The following ZSCAN25 variants were observed in gnomAD, a reference collection of about 807,000 sequenced individuals.
ZSCAN25 encodes the protein zinc finger and SCAN domain-containing protein 25.
Under a neutral mutation model 38.7 loss-of-function variants are expected in ZSCAN25, and 27 were observed. The observed-to-expected ratio is 0.70, with a 90% CI of 0.51 to 0.96. ZSCAN25 has a LOEUF of 0.96. ZSCAN25 is among the 40% of genes least tolerant of loss of function. The pLI is 0.00. For synonymous variants in ZSCAN25, 273 were observed against 277.7 expected (o/e 0.98, Z 0.17); for missense variants, 637 against 705.9 (o/e 0.90, Z 1.11).
the ZSCAN25 span, among the ~76,000 whole-genome samples, chr7:99,736,848 A>G: frequency 6.6e-6 from 1 of 152,122 alleles, no homozygotes; most frequent in African/African-American, 2.4e-5. Flanking sequence ...GGTGAATGTC[A>G]TGTGCAGTGT....
chr7:99,708,035 GT>G, the ZSCAN25 span: 1 of 1,611,800 alleles, frequency 6.2e-7, no homozygotes, highest in Non-Finnish European at 8.5e-7. Context: ...AGAGTTACAT[GT>G]TAGGGTTTCT....
At chr7:99,617,437 C>T (rs757210537) in intron 1 of ZSCAN25, among the ~76,000 whole-genome samples, 7 of 152,146 alleles carry the variant, frequency 4.6e-5, no homozygotes, top group Non-Finnish European at 7.4e-5. Context: ...GAAAAGTAGC[C>T]GGGCGTGGTG....
At chr7:99,663,422 G>C in the ZSCAN25 span, 3 of 990,236 alleles carry the variant, frequency 3.0e-6, no homozygotes, top group African/African-American at 5.2e-5. Context: ...CTGGCCTCTA[G>C]GGCTCGTGAA....
In ZSCAN25 at chr7:99,619,769, G is replaced by A; in HGVS notation, c.163G>A (p.Gly55Arg). The change falls in exon 4 of 8, where the codon GGA (glycine) becomes AGA (arginine). Residue 55 changes from glycine (G) to arginine (R), a missense_variant. Gly to Arg is a moderately radical substitution (Grantham distance 125, BLOSUM62 -2). Coordinates refer to ENST00000394152, the MANE Select transcript of ZSCAN25 (RefSeq NM_145115.3). ...FRQFRYQEAAGPQEALRELQE... is the reference protein window; with the variant it reads ...FRQFRYQEAARPQEALRELQE... ...GCAGTTCCGCTACCAGGAGGCAGCT[G>A]GACCCCAGGAAGCTCTTAGGGAGCT... is the stretch of plus-strand genomic sequence containing the variant. 1 of 1,614,260 alleles carries A rather than the reference G, an allele frequency of 6.2e-7. No homozygotes were observed. The highest frequency in any genetic ancestry group is 1.1e-5 in the South Asian group (1 of 91,086).
intron 7 of ZSCAN25, among the ~76,000 whole-genome samples, chr7:99,625,986 G>T (rs1172533918): frequency 6.6e-6 from 1 of 152,212 alleles, no homozygotes; most frequent in Non-Finnish European, 1.5e-5. Context: ...TTGGGGCTGG[G>T]CCTGAGCTGC....
At chr7:99,654,523 A>G in the ZSCAN25 span, among the ~76,000 whole-genome samples, 12 of 152,328 alleles carry the variant, frequency 7.9e-5, no homozygotes, top group South Asian at 2.5e-3. Flanking sequence ...GCTATTGTGA[A>G]TAGTGCTGCA....
At chr7:99,720,809 A>G in the ZSCAN25 span, 21 of 189,304 alleles carry the variant, frequency 1.1e-4, no homozygotes, top group Non-Finnish European at 1.8e-4. Context: ...TGGAAAATTG[A>G]AGGCAAGTAA....
the ZSCAN25 span, chr7:99,638,860 C>A: frequency 1.6e-6 from 1 of 616,266 alleles, no homozygotes. Flanking sequence ...CGAAGGCTCC[C>A]AGCCTTTGCG....
intron 7 of ZSCAN25, among the ~76,000 whole-genome samples, chr7:99,625,247 G>A (rs1486622414): frequency 6.6e-6 from 1 of 152,144 alleles, no homozygotes; most frequent in Non-Finnish European, 1.5e-5. Flanking sequence ...ATCTAAATGT[G>A]TGGTGACCAT....
the ZSCAN25 span, among the ~76,000 whole-genome samples, chr7:99,717,910 AC>A: frequency 1.3e-5 from 2 of 152,132 alleles, no homozygotes. Context: ...CAGGATCAAC[AC>A]CTAGCACGCG....
the ZSCAN25 span, chr7:99,663,979 CGTT>C: frequency 1.3e-6 from 2 of 1,584,156 alleles, no homozygotes; most frequent in Non-Finnish European, 1.7e-6. Context: ...TTTTGTTTGT[CGTT>C]GAGGCGACTT....
At chr7:99,646,962 C>A in the ZSCAN25 span, among the ~76,000 whole-genome samples, 1 of 152,220 alleles carries the variant, frequency 6.6e-6, no homozygotes. Context: ...TACACTGATA[C>A]ATCCATTCCA....
the ZSCAN25 span, among the ~76,000 whole-genome samples, chr7:99,724,183 C>T: frequency 6.6e-6 from 1 of 152,204 alleles, no homozygotes; most frequent in Admixed American, 6.5e-5. Flanking sequence ...CTCTTCTTCT[C>T]CCTTAGCCTG....
the ZSCAN25 span, among the ~76,000 whole-genome samples, chr7:99,646,836 A>ATG: frequency 5.2e-4 from 77 of 149,152 alleles, no homozygotes; most frequent in African/African-American, 1.6e-3. Context: ...ACACACACAC[A>ATG]CATGCATGCT....
At chr7:99,684,859 A>G in the ZSCAN25 span, 1 of 235,926 alleles carries the variant, frequency 4.2e-6, no homozygotes, top group Non-Finnish European at 8.2e-6. Context: ...GGAGGAGTTA[A>G]TGGTGCTAAC....
chr7:99,653,671 C>T, the ZSCAN25 span, among the ~76,000 whole-genome samples: 1 of 152,154 alleles, frequency 6.6e-6, no homozygotes, highest in Non-Finnish European at 1.5e-5. The surrounding 1 kb of genome is among the most constrained non-coding windows in gnomAD (Gnocchi z 4.2). Context: ...CTGTAATCTT[C>T]AGGACTGGAT....
At chr7:99,671,900 T>C in the ZSCAN25 span, 1 of 701,562 alleles carries the variant, frequency 1.4e-6, no homozygotes, top group South Asian at 1.5e-5. Flanking sequence ...AAAAATTGCT[T>C]AGAACTACCC....
the ZSCAN25 span, chr7:99,660,724 A>C: frequency 5.2e-6 from 8 of 1,547,784 alleles, no homozygotes; most frequent in African/African-American, 1.4e-5. Context: ...GCTTAGATGA[A>C]ATCTAAGTGA....
chr7:99,722,486 A>G, the ZSCAN25 span: 4 of 1,046,030 alleles, frequency 3.8e-6, no homozygotes, highest in Non-Finnish European at 5.5e-6. Context: ...GAGATGTCAT[A>G]AGAGAAAGGA....
Sources: gnomAD v4.1 joint callset for allele counts (sites outside exome capture counted in the v4.1 genomes callset) on GRCh38, gnomAD v4.1.1 for gene constraint, Gnocchi (gnomAD v3.1) non-coding constraint, MANE v1.5 for transcripts, NCBI Gene and HGNC (gene_info 2026-07-23, HGNC 2026-07-21) for gene names.